ZUP1: variants seen among roughly 807,000 people sequenced by gnomAD.
ZUP1 encodes the protein zinc finger containing ubiquitin peptidase 1.
ZUP1 carries 55 observed loss-of-function variants against 68.1 expected under a neutral mutation model. That is an observed-to-expected ratio of 0.81 (90% CI 0.65 to 1.01). The LOEUF (loss-of-function observed/expected upper bound fraction) is 1.01, where lower values mean the gene tolerates loss of function less well. Ranked by LOEUF, ZUP1 falls within the 50% of genes least tolerant of loss-of-function variation. The probability of loss-of-function intolerance (pLI) is 0.00; values close to 1 mark genes in which losing one functional copy is unlikely to be tolerated. For synonymous variants in ZUP1, 223 were observed against 221.5 expected (o/e 1.01, Z -0.06); for missense variants, 684 against 674.9 (o/e 1.01, Z -0.15).
At chr6:116,644,887 AGAG>A (rs1776240573) in intron 9 of ZUP1, among the ~76,000 whole-genome samples, 1 of 151,684 alleles carries the variant, frequency 6.6e-6, no homozygotes, top group Non-Finnish European at 1.5e-5. Flanking sequence ...AGAAGAAGAA[AGAG>A]GAGGAGGAGG....
chr6:116,647,607 ACACCTATTAAAAATTGACAAAATG>A lies in ZUP1; in HGVS notation c.1317-21_1319del. The A allele has an allele frequency of 6.6e-7, 1 of 1,524,556 alleles. No homozygotes were observed. The highest frequency in any genetic ancestry group is 2.3e-5 in the East Asian group (1 of 43,322). The allele number at this position is 1,524,556 out of a possible 1,614,324, so 94.4% of individuals were successfully genotyped here. A position where few individuals can be genotyped will look rare whatever the true frequency, so the allele number is the denominator to read the frequency against. Reference sequence around the variant, plus strand: ...TTGATTTGTGAAAATCAACAATATGACACCTATTAAAAATTGACAAAATGCACATTTAAAGGGCATTTTAAAATA... The same window carrying A: ...TTGATTTGTGAAAATCAACAATATGACACATTTAAAGGGCATTTTAAAATA... On this transcript the variant is annotated splice_acceptor_variant and splice_polypyrimidine_tract_variant and coding_sequence_variant and intron_variant, in exon 8 of 10. Transcript: ENST00000368576. LOFTEE classifies it high-confidence loss of function.
chr6:116,651,961 T>C, intron 6 of ZUP1, 43 bp downstream of exon 6: 1 of 1,576,376 alleles, frequency 6.3e-7, no homozygotes, highest in Non-Finnish European at 8.7e-7. Context: ...ATATCATATG[T>C]ATTTTATCAG....
intron 4 of ZUP1, among the ~76,000 whole-genome samples, chr6:116,658,529 A>G (rs1264407965): frequency 6.6e-6 from 1 of 152,192 alleles, no homozygotes; most frequent in Non-Finnish European, 1.5e-5. Context: ...TTACTTAACC[A>G]TTCTCTGTCT....
chr6:116,646,037 A>G, intron 8 of ZUP1, 103 bp from the exon 9 acceptor site: 1 of 782,360 alleles, frequency 1.3e-6, no homozygotes, highest in Non-Finnish European at 2.0e-6. Context: ...TTAGAATATA[A>G]ATACAGTCAG....
At chr6:116,661,475 A>G (rs1229909032) in intron 2 of ZUP1, among the ~76,000 whole-genome samples, 1 of 152,214 alleles carries the variant, frequency 6.6e-6, no homozygotes, top group Non-Finnish European at 1.5e-5. Context: ...AATTCTCAGC[A>G]CCCAACAGAG....
chr6:116,643,533 G>A (rs984301425), intron 9 of ZUP1, among the ~76,000 whole-genome samples: 57 of 152,138 alleles, frequency 3.7e-4, no homozygotes, highest in African/African-American at 1.3e-3. Flanking sequence ...AAATAATGCC[G>A]CATATCTACA....
At chr6:116,648,400 C>T (rs56210708) in intron 7 of ZUP1, among the ~76,000 whole-genome samples, 3 of 152,184 alleles carry the variant, frequency 2.0e-5, no homozygotes, top group African/African-American at 7.2e-5. Context: ...AATTGCTAAC[C>T]TCAGCCTCAG....
chr6:116,655,967 A>G (rs1373533462), intron 5 of ZUP1, among the ~76,000 whole-genome samples: 2 of 152,242 alleles, frequency 1.3e-5, no homozygotes, highest in African/African-American at 2.4e-5. Flanking sequence ...ACAATGTAAA[A>G]TGTCTCAGTA....
intron 7 of ZUP1, among the ~76,000 whole-genome samples, chr6:116,647,865 CATA>C (rs1776360998): frequency 1.3e-5 from 2 of 152,136 alleles, no homozygotes; most frequent in South Asian, 2.1e-4. Context: ...TAAATAACTT[CATA>C]ATAAGTCTGC....
intron 9 of ZUP1, among the ~76,000 whole-genome samples, chr6:116,643,866 C>T (rs1298201595): frequency 6.6e-6 from 1 of 152,162 alleles, no homozygotes; most frequent in Non-Finnish European, 1.5e-5. Context: ...AGAGCTTCTG[C>T]ACAGCAAGAG....
intron 3 of ZUP1, 84 bp downstream of exon 3, chr6:116,660,651 TC>T: frequency 3.0e-6 from 2 of 671,522 alleles, no homozygotes; most frequent in South Asian, 5.0e-5. Context: ...AAATATTTTT[TC>T]CATATCACAA....
intron 2 of ZUP1, among the ~76,000 whole-genome samples, chr6:116,665,243 G>A (rs946357651): frequency 6.6e-6 from 1 of 152,082 alleles, no homozygotes; most frequent in Non-Finnish European, 1.5e-5. Flanking sequence ...AAAAAAGATT[G>A]ATTTCATAAT....
At chr6:116,651,879 C>T in intron 6 of ZUP1, 125 bp downstream of exon 6, 1 of 1,413,088 alleles carries the variant, frequency 7.1e-7, no homozygotes, top group Admixed American at 2.2e-5. Context: ...CTTCCTCTAA[C>T]CAGAATTCAG....
At chr6:116,656,920 T>A in intron 4 of ZUP1, 68 bp from the exon 5 acceptor site, 1 of 1,080,172 alleles carries the variant, frequency 9.3e-7, no homozygotes, top group Non-Finnish European at 1.3e-6. Context: ...GGAAACTTAT[T>A]AAAATTTTAT....
intron 9 of ZUP1, among the ~76,000 whole-genome samples, chr6:116,641,649 A>G (rs1479394092): frequency 1.3e-5 from 2 of 152,228 alleles, no homozygotes; most frequent in African/African-American, 4.8e-5. Flanking sequence ...AACGAGAACA[A>G]AGACACAACA....
chr6:116,651,987 T>A lies in ZUP1; in HGVS notation c.1150+17A>T, dbSNP rs2114254793. 6.2e-7 allele frequency: 1 copy of A among 1,611,368 alleles called. No individual in the cohort carries two copies. The highest frequency in any genetic ancestry group is 8.5e-7 in the Non-Finnish European group (1 of 1,178,050). On this transcript the variant is annotated intron_variant, in intron 6 of 9. Transcript: ENST00000368576. Reference sequence around the variant, plus strand: ...ATTTTATCAGATGACAAGTTCAGAGTACTAGATTTCACATACCTTTTAAGC... The same window carrying A: ...ATTTTATCAGATGACAAGTTCAGAGAACTAGATTTCACATACCTTTTAAGC...
In ZUP1 at chr6:116,652,144, A is replaced by G. The variant is rs770595073; in HGVS notation, c.1010T>C (p.Val337Ala). 5.6e-6 allele frequency: 9 copies of G among 1,613,926 alleles called. No individual in the cohort carries two copies. Among genetic ancestry groups the G allele is most frequent in the Non-Finnish European group, 5.1e-6 (6 of 1,179,900 alleles). Reference sequence around the variant, plus strand: ...CACTGAAGAAAGCCACACCCGTCTCACATCTGTGGCAGCATTCTGATAATA... The same window carrying G: ...CACTGAAGAAAGCCACACCCGTCTCGCATCTGTGGCAGCATTCTGATAATA... The part of the protein sequence containing the change: ...HRYYQNAATD[V>A]RRVWLSSVVD... The change falls in exon 6 of 10, where the codon GTG becomes GCG. Residue 337 changes from valine (V) to alanine (A), a missense_variant. Val to Ala is a moderately conservative substitution (Grantham distance 64, BLOSUM62 0). Transcript: ENST00000368576.
chr6:116,668,418 A>G (rs1777073819), intron 1 of ZUP1, 148 bp downstream of exon 1: 1 of 152,500 alleles, frequency 6.6e-6, no homozygotes, highest in South Asian at 2.1e-4. Context: ...CAAGCTAGGT[A>G]CGTGGTGGGT....
At chr6:116,667,780 C>A (rs751841107) in intron 1 of ZUP1, among the ~76,000 whole-genome samples, 37 of 152,046 alleles carry the variant, frequency 2.4e-4, no homozygotes, top group Non-Finnish European at 4.1e-4. Flanking sequence ...AAATGCCAAC[C>A]CCGTCGTGCT....
Sources: allele counts gnomAD v4.1 joint callset (sites outside exome capture counted in the v4.1 genomes callset), GRCh38; gene constraint gnomAD v4.1.1; transcripts MANE v1.5; gene names NCBI Gene and HGNC (gene_info 2026-07-23, HGNC 2026-07-21).